GFRA2: variants seen among roughly 807,000 people sequenced by gnomAD.
GFRA2 encodes the protein GDNF family receptor alpha 2.
GFRA2 carries 17 observed loss-of-function variants against 48.3 expected under a neutral mutation model. The observed-to-expected ratio is 0.35, with a 90% CI of 0.24 to 0.53. The LOEUF (loss-of-function observed/expected upper bound fraction) is 0.53, where lower values mean the gene tolerates loss of function less well. GFRA2 is among the 20% of genes least tolerant of loss of function. The pLI is 0.93. For synonymous variants in GFRA2, 305 were observed against 257.2 expected, an observed-to-expected ratio of 1.19 and a Z score of -1.78; for missense variants, 660 against 637.3, an observed-to-expected ratio of 1.04 and a Z score of -0.38.
In GFRA2 at chr8:21,692,583, C is replaced by T. The variant is rs920925965; in HGVS notation, c.*695G>A. ...GTTTTAATGCCTCGCCACAAGGGCT[C>T]TCCCAGGCAGGCTGAGCTCTCAAGC... is the stretch of plus-strand genomic sequence containing the variant. On this transcript the variant is annotated 3_prime_UTR_variant, in exon 9 of 9. Transcript: ENST00000524240. The T allele has an allele frequency of 6.6e-6, 1 of 152,220 alleles. No homozygotes were observed. Among genetic ancestry groups the T allele is most frequent in the Non-Finnish European group, 1.5e-5 (1 of 68,096 alleles). The allele number at this position is 152,220 out of a possible 1,614,324, so 9.4% of individuals were successfully genotyped here. A position where few individuals can be genotyped will look rare whatever the true frequency, so the allele number is the denominator to read the frequency against.
At chr8:21,771,724 T>A (rs1490884940) in intron 3 of GFRA2, among the ~76,000 whole-genome samples, 1 of 152,156 alleles carries the variant, frequency 6.6e-6, no homozygotes, top group Non-Finnish European at 1.5e-5. Flanking sequence ...TAGTAGCAAC[T>A]GAGTCCCAAA....
chr8:21,702,749 C>T (rs921522872), intron 7 of GFRA2, 56 bp downstream of exon 7: 7 of 1,504,186 alleles, frequency 4.7e-6, no homozygotes, highest in Non-Finnish European at 6.2e-6. Flanking sequence ...GAGTCATTTC[C>T]CATGCCACTT....
At chr8:21,712,862 T>G (rs1283683523) in intron 4 of GFRA2, among the ~76,000 whole-genome samples, 4 of 152,036 alleles carry the variant, frequency 2.6e-5, no homozygotes, top group Non-Finnish European at 5.9e-5. Flanking sequence ...CGAAAACCAG[T>G]CAGGCGTGGC....
rs551694945 is a variant in GFRA2 at position 21,747,958 on chromosome 8, C to T, written c.794+2630G>A. Among the ~76,000 whole-genome samples the T allele has an allele frequency of 2.5e-3, 386 of 152,196 alleles. 1 individual carries two copies. The highest frequency in any genetic ancestry group is 8.8e-3 in the African/African-American group (365 of 41,518). ...CCAGTCTCACATCCTACTTCCTTTG[C>T]CCCTCCCTTAAGCACTGGTGTTTCC... is the stretch of plus-strand genomic sequence containing the variant. On this transcript the variant is annotated intron_variant, in intron 4 of 8. Transcript: ENST00000524240.
intron 8 of GFRA2, 131 bp downstream of exon 8, chr8:21,694,333 T>A: frequency 2.2e-4 from 159 of 719,452 alleles, no homozygotes; most frequent in Middle Eastern, 6.5e-4. Context: ...GTGCCCACCC[T>A]GGTCCAGAAG....
intron 2 of GFRA2, among the ~76,000 whole-genome samples, chr8:21,795,025 A>G (rs1268857197): frequency 1.3e-5 from 2 of 152,106 alleles, no homozygotes; most frequent in African/African-American, 4.8e-5. Flanking sequence ...CTCTGGTTTT[A>G]CCCAGCTTCT....
intron 4 of GFRA2, 51 bp from the exon 5 acceptor site, chr8:21,706,092 G>T: frequency 8.4e-7 from 1 of 1,191,078 alleles, no homozygotes; most frequent in Non-Finnish European, 1.2e-6. Flanking sequence ...CAGTCTAGCT[G>T]CCTTCTGTCT....
chr8:21,742,703 AC>A (rs1172158435), intron 4 of GFRA2, among the ~76,000 whole-genome samples: 1 of 152,184 alleles, frequency 6.6e-6, no homozygotes, highest in African/African-American at 2.4e-5. Context: ...TCTGGTACAA[AC>A]AAACTATGCT....
intron 3 of GFRA2, among the ~76,000 whole-genome samples, chr8:21,769,793 G>C (rs1053037829): frequency 5.9e-5 from 9 of 152,144 alleles, no homozygotes; most frequent in African/African-American, 2.2e-4. Context: ...ACCAGGGGCC[G>C]GTGGTGGTTA....
chr8:21,749,108 C>T lies in GFRA2; in HGVS notation c.794+1480G>A, dbSNP rs143794989. On this transcript the variant is annotated intron_variant, in intron 4 of 8. Transcript: ENST00000524240. Reference sequence around the variant, plus strand: ...GTCTGTTTCCCCTGTATTCTCAGGGCTTAGGACCAAGAACTGCACACAACA... The same window carrying T: ...GTCTGTTTCCCCTGTATTCTCAGGGTTTAGGACCAAGAACTGCACACAACA... Among the ~76,000 whole-genome samples, 17 of 152,272 alleles carry T rather than the reference C, an allele frequency of 1.1e-4. No individual in the cohort carries two copies. The East Asian group carries it at 2.9e-3, about 26-fold the overall frequency.
rs1306788885 is a variant in GFRA2, at chr8:21,780,381, AC to A, written c.355+2203del. On this transcript the variant is annotated intron_variant, in intron 2 of 8. Transcript: ENST00000524240. The stretch of plus-strand genomic sequence containing the variant: ...TTGAGGGTCCTCTCCTCTGGGATGA[AC>A]CCTACCTTGTTTTCCTGCTGTTCCT... 2.5e-3 allele frequency among the ~76,000 whole-genome samples: 373 copies of A among 151,782 alleles called. 4 individuals carry two copies. The highest frequency in any genetic ancestry group is 0.013 in the East Asian group (67 of 5,132).
intron 4 of GFRA2, among the ~76,000 whole-genome samples, chr8:21,737,379 A>AG (rs1554490875): frequency 1.3e-5 from 2 of 151,330 alleles, no homozygotes; most frequent in South Asian, 2.1e-4. Flanking sequence ...AAAAAAAAAA[A>AG]GGGGTGGTGT....
At chr8:21,713,581 A>C (rs913331163) in intron 4 of GFRA2, among the ~76,000 whole-genome samples, 2 of 152,024 alleles carry the variant, frequency 1.3e-5, no homozygotes, top group African/African-American at 4.8e-5. Flanking sequence ...CCACACAAGC[A>C]GAAGTCATCT....
Position 21,711,014 on chromosome 8 carries a change from A to G in GFRA2, c.795-4973T>C, listed in dbSNP as rs558901736. On this transcript the variant is annotated intron_variant, in intron 4 of 8. Coordinates refer to ENST00000524240, the MANE Select transcript of GFRA2 (RefSeq NM_001495.5). ...CTGCCAGCATCAGAGACCACGTGGT[A>G]TAATTTCCTTGAAGCCCTGGACACT... Among the ~76,000 whole-genome samples, 24 of 152,330 alleles carry G rather than the reference A, an allele frequency of 1.6e-4. No individual in the cohort carries two copies. The South Asian group carries it at 4.3e-3, about 28-fold the overall frequency.
chr8:21,724,023 GC>G (rs1803735216), intron 4 of GFRA2, among the ~76,000 whole-genome samples: 1 of 152,250 alleles, frequency 6.6e-6, no homozygotes, highest in Admixed American at 6.5e-5. Flanking sequence ...AGAAACCATG[GC>G]CCAGGCTCAC....
chr8:21,705,893 C>G, intron 5 of GFRA2, 39 bp downstream of exon 5: 3 of 1,379,310 alleles, frequency 2.2e-6, no homozygotes, highest in Non-Finnish European at 2.0e-6. Flanking sequence ...ATGGGGGCAG[C>G]AAGGACCCAC....
intron 4 of GFRA2, among the ~76,000 whole-genome samples, chr8:21,726,335 T>A (rs1218164164): frequency 6.6e-6 from 1 of 152,202 alleles, no homozygotes; most frequent in Non-Finnish European, 1.5e-5. Context: ...CACAGCAACA[T>A]GAACAAGACA....
At chr8:21,743,094 G>T (rs1804834126) in intron 4 of GFRA2, among the ~76,000 whole-genome samples, 1 of 152,196 alleles carries the variant, frequency 6.6e-6, no homozygotes, top group Non-Finnish European at 1.5e-5. Context: ...TCCAGGGAGG[G>T]TCACTCGGGG....
intron 4 of GFRA2, among the ~76,000 whole-genome samples, chr8:21,709,366 CT>C (rs1802903341): frequency 6.6e-6 from 1 of 152,224 alleles, no homozygotes; most frequent in Non-Finnish European, 1.5e-5. Context: ...TGATTTTGCC[CT>C]ACTGGGTTTT....
Sources: gnomAD v4.1 joint callset for allele counts (sites outside exome capture counted in the v4.1 genomes callset) on GRCh38, gnomAD v4.1.1 for gene constraint, MANE v1.5 for transcripts, NCBI Gene and HGNC (gene_info 2026-07-23, HGNC 2026-07-21) for gene names.